Variants in AFDN observed in about 807,000 individuals in gnomAD.
The protein encoded by AFDN is afadin, adherens junction formation factor, also known as afadin.
AFDN carries 68 observed loss-of-function variants against 216.6 expected under a neutral mutation model. That is an observed-to-expected ratio of 0.31 (90% CI 0.26 to 0.38). AFDN has a LOEUF of 0.38. Among genes scored for constraint, AFDN ranks in the 10% least tolerant of loss-of-function variants. The pLI, the probability that AFDN is intolerant of heterozygous loss-of-function variation, is 1.00. For missense variants in AFDN, 2,136 were observed against 2,342.0 expected, an observed-to-expected ratio of 0.91 and a Z score of 1.82; for synonymous variants, 868 against 853.7, an observed-to-expected ratio of 1.02 and a Z score of -0.29.
intron 23 of AFDN, among the ~76,000 whole-genome samples, chr6:167,927,340 A>G (rs1364200091): frequency 6.6e-6 from 1 of 152,128 alleles, no homozygotes. Flanking sequence ...TGTGTGGGCC[A>G]CTTTTGGATA....
At position 167,971,391 on chromosome 6, in the gene AFDN, A is replaced by C. The variant is rs1215481893; in HGVS notation, c.*1456A>C. 1 of 204,718 alleles carries C rather than the reference A, an allele frequency of 4.9e-6. No individual in the cohort carries two copies. Among genetic ancestry groups the C allele is most frequent in the African/African-American group, 2.3e-5 (1 of 43,762 alleles). The allele number at this position is 204,718 out of a possible 1,614,324, so 12.7% of individuals were successfully genotyped here. A position where few individuals can be genotyped will look rare whatever the true frequency, so the allele number is the denominator to read the frequency against. On this transcript the variant is annotated 3_prime_UTR_variant, in exon 34 of 34. Transcript: ENST00000683244. ...CTGCCTTCGAAATCACTTTTAATAA[A>C]AGTTGTATGATAAATCATTAAAAAT...
intron 26 of AFDN, among the ~76,000 whole-genome samples, chr6:167,944,265 C>A (rs372316389): frequency 6.6e-6 from 1 of 152,162 alleles, no homozygotes; most frequent in Non-Finnish European, 1.5e-5. Flanking sequence ...ACCAGGACCC[C>A]TCCCTGTCAC....
chr6:167,937,596 T>TACC (rs869064611), intron 23 of AFDN, among the ~76,000 whole-genome samples: 1 of 151,778 alleles, frequency 6.6e-6, no homozygotes, highest in African/African-American at 2.4e-5. Context: ...CAAACAGATT[T>TACC]TATAAATTCA....
chr6:167,890,231 T>TAATA (rs778154192), intron 7 of AFDN, among the ~76,000 whole-genome samples: 3 of 152,230 alleles, frequency 2.0e-5, no homozygotes, highest in Non-Finnish European at 2.9e-5. Context: ...CTATCCTCCT[T>TAATA]AAAACACTTG....
chr6:167,893,795 GTTC>G (rs1339406357), intron 8 of AFDN, 64 bp from the exon 9 acceptor site: 9 of 1,239,640 alleles, frequency 7.3e-6, no homozygotes, highest in Non-Finnish European at 9.3e-6. Context: ...TATTCCGCGT[GTTC>G]TGCATGGTCT....
intron 1 of AFDN, among the ~76,000 whole-genome samples, chr6:167,848,966 G>T (rs1436004477): frequency 2.0e-5 from 3 of 152,140 alleles, no homozygotes; most frequent in African/African-American, 7.2e-5. Flanking sequence ...TATACAGCAG[G>T]ATGAGACGCA....
At chr6:167,845,830 A>C (rs142387499) in intron 1 of AFDN, among the ~76,000 whole-genome samples, 100 of 152,314 alleles carry the variant, frequency 6.6e-4, no homozygotes, top group African/African-American at 2.3e-3. Context: ...AAGACTGGGT[A>C]ATTTATAAAG....
intron 20 of AFDN, 142 bp downstream of exon 20, chr6:167,917,374 A>G: frequency 5.3e-6 from 5 of 941,244 alleles, no homozygotes; most frequent in Non-Finnish European, 6.0e-6. Flanking sequence ...GTTGCTGTCC[A>G]AGAGTTCAAT....
At chr6:167,855,690 C>A (rs1256952571) in intron 1 of AFDN, among the ~76,000 whole-genome samples, 1 of 152,072 alleles carries the variant, frequency 6.6e-6, no homozygotes, top group Middle Eastern at 3.2e-3. Context: ...GCTGGAATAA[C>A]ATCAGGAATT....
chr6:167,944,115 C>A, intron 26 of AFDN, 56 bp downstream of exon 26: 2 of 1,345,994 alleles, frequency 1.5e-6, no homozygotes, highest in South Asian at 2.4e-5. Flanking sequence ...TTTGAATGGT[C>A]ACAAAACCCC....
rs376409651 is a variant in AFDN, at chr6:167,951,549, C to A, written c.4195C>A (p.Pro1399Thr). 158 of 1,613,936 alleles carry A rather than the reference C, an allele frequency of 9.8e-5. No individual in the cohort carries two copies. Among genetic ancestry groups the A allele is most frequent in the Middle Eastern group, 3.3e-4 (2 of 6,060 alleles). Residue 1399 changes from proline (P) to threonine (T), a missense_variant, in exon 30 of 34, where the codon CCT becomes ACT. Around this residue, in one of 8 missense-constraint regions of AFDN, gnomAD observed 981 missense variants for 966.0 expected, o/e 1.02. Transcript: ENST00000683244. The surrounding 1 kb of genome is among the most constrained non-coding windows in gnomAD (Gnocchi z 7.1). Reference protein sequence around the residue: ...MSMDLPLPPPPSANQIGLPSA... With the variant: ...MSMDLPLPPPTSANQIGLPSA... ...CATGGATTTGCCTCTCCCACCACCC[C>A]CTTCCGCCAACCAGATAGGGCTGCC... is the stretch of plus-strand genomic sequence containing the variant.
intron 20 of AFDN, among the ~76,000 whole-genome samples, chr6:167,917,638 C>T (rs1481854671): frequency 1.3e-5 from 2 of 152,224 alleles, no homozygotes; most frequent in African/African-American, 4.8e-5. Context: ...GTATGCCTGC[C>T]TCTCAGTAGG....
intron 1 of AFDN, among the ~76,000 whole-genome samples, chr6:167,838,326 C>CATCTTGCT (rs1554276902): frequency 6.6e-6 from 1 of 151,484 alleles, no homozygotes; most frequent in African/African-American, 2.4e-5. Context: ...GCCATCTCGC[C>CATCTTGCT]ATCTCGCTTA....
chr6:167,840,131 A>G (rs1780902057), intron 1 of AFDN, among the ~76,000 whole-genome samples: 1 of 152,234 alleles, frequency 6.6e-6, no homozygotes, highest in Non-Finnish European at 1.5e-5. Flanking sequence ...TTGTCAAGTC[A>G]GGGAAGCTTA....
At chr6:167,841,292 C>T (rs774532881) in intron 1 of AFDN, among the ~76,000 whole-genome samples, 11 of 152,164 alleles carry the variant, frequency 7.2e-5, no homozygotes, top group Non-Finnish European at 7.4e-5. Flanking sequence ...TACATAGGCA[C>T]TTAGGAAGAG....
At chr6:167,839,251 A>G (rs763270309) in intron 1 of AFDN, among the ~76,000 whole-genome samples, 3 of 152,162 alleles carry the variant, frequency 2.0e-5, no homozygotes, top group Non-Finnish European at 4.4e-5. Flanking sequence ...ATGTAATGGA[A>G]ATTATTGTTT....
At chr6:167,878,079 T>C (rs1785611878) in intron 5 of AFDN, among the ~76,000 whole-genome samples, 1 of 152,204 alleles carries the variant, frequency 6.6e-6, no homozygotes, top group Admixed American at 6.5e-5. Flanking sequence ...ATGGTTTTTT[T>C]TTTTCACTGA....
At chr6:167,885,540 C>G (rs1044847746) in intron 6 of AFDN, among the ~76,000 whole-genome samples, 1 of 152,206 alleles carries the variant, frequency 6.6e-6, no homozygotes, top group Non-Finnish European at 1.5e-5. Flanking sequence ...AGAACACACA[C>G]ACTTATCAGT....
chr6:167,966,760 G>A (rs1797607449), intron 32 of AFDN, among the ~76,000 whole-genome samples: 2 of 152,210 alleles, frequency 1.3e-5, no homozygotes, highest in African/African-American at 4.8e-5. Context: ...GCGCTCTCAT[G>A]GTGGTTTGGT....
Sources: allele counts gnomAD v4.1 joint callset (sites outside exome capture counted in the v4.1 genomes callset), GRCh38; gene constraint gnomAD v4.1.1; regional missense constraint gnomAD v4.1.1; non-coding constraint Gnocchi (gnomAD v3.1); transcripts MANE v1.5; gene names NCBI Gene and HGNC (gene_info 2026-07-23, HGNC 2026-07-21).